The following TMEM165 variants were observed in gnomAD, a reference collection of about 807,000 sequenced individuals.
TMEM165 encodes the protein putative divalent cation/proton antiporter TMEM165.
In TMEM165, 19 loss-of-function variants were observed where a neutral mutation model predicts 30.0. That is an observed-to-expected ratio of 0.63 (90% CI 0.44 to 0.93). The LOEUF (loss-of-function observed/expected upper bound fraction) is 0.93. TMEM165 is among the 40% of genes least tolerant of loss of function. TMEM165 has a pLI of 0.00. For missense variants in TMEM165, 340 were observed against 417.0 expected (o/e 0.82, Z 1.61); for synonymous variants, 168 against 162.9 (o/e 1.03, Z -0.24).
intron 3 of TMEM165, chr4:55,444,653 C>T: frequency 1.9e-6 from 3 of 1,614,054 alleles, no homozygotes; most frequent in Non-Finnish European, 2.5e-6. Flanking sequence ...TGACCATGGA[C>T]CATCTGAAGT....
intron 1 of TMEM165, among the ~76,000 whole-genome samples, chr4:55,400,420 T>A (rs1473282384): frequency 1.5e-5 from 2 of 131,656 alleles, no homozygotes; most frequent in African/African-American, 5.7e-5. Context: ...ATATTTATAT[T>A]AAAATATAAA....
intron 4 of TMEM165, among the ~76,000 whole-genome samples, chr4:55,420,124 TATA>T (rs1243064043): frequency 1.2e-3 from 47 of 38,888 alleles, no homozygotes; most frequent in African/African-American, 5.0e-3. Context: ...TATATATACA[TATA>T]TATTTATTTA....
At chr4:55,418,173 CT>C in intron 4 of TMEM165, 188 bp downstream of exon 4, 1 of 497,816 alleles carries the variant, frequency 2.0e-6, no homozygotes, top group Non-Finnish European at 3.4e-6. Context: ...AGGTGAAATT[CT>C]TGTAACCAAG....
exon 4 of TMEM165, chr4:55,452,797 C>T (rs896346605): frequency 3.4e-6 from 1 of 295,946 alleles, no homozygotes; most frequent in Non-Finnish European, 6.3e-6. Context: ...ATATAAATAA[C>T]CTAGCCAGAG....
At chr4:55,396,516 C>G (rs1164657929) in intron 1 of TMEM165, 120 bp downstream of exon 1, 8 of 869,726 alleles carry the variant, frequency 9.2e-6, no homozygotes, top group Non-Finnish European at 1.3e-5. Context: ...AGCCCGGCCC[C>G]TGCTCCCGGG....
At chr4:55,416,114 C>CA in intron 2 of TMEM165, 1 of 152,358 alleles carries the variant, frequency 6.6e-6, no homozygotes, top group Admixed American at 6.5e-5. Flanking sequence ...CTCGGTCTCC[C>CA]AAAGTGCTGG....
downstream of TMEM165, among the ~76,000 whole-genome samples, chr4:55,427,036 ATTT>A (rs1195135340): frequency 7.1e-4 from 40 of 56,514 alleles, no homozygotes; most frequent in South Asian, 1.2e-3. Flanking sequence ...TCTCACTAGT[ATTT>A]TTTTTTTTTT....
rs991459281 is a variant in TMEM165, at chr4:55,439,971, G to A, written c.409-12268G>A. 4.6e-5 allele frequency among the ~76,000 whole-genome samples: 7 copies of A among 151,792 alleles called. 1 individual carries two copies. Among genetic ancestry groups the A allele is most frequent in the Admixed American group, 3.3e-4 (5 of 15,242 alleles). On this transcript the variant is annotated intron_variant, in intron 3 of 3. Transcript: ENST00000608091. ...GACAATGAACTGTATATTTTAAAAC[G>A]GTTAACATGGTAACTTTTATGTCAT...
At chr4:55,417,408 G>A (rs1451284720) in intron 3 of TMEM165, among the ~76,000 whole-genome samples, 161 bp downstream of exon 3, 1 of 152,146 alleles carries the variant, frequency 6.6e-6, no homozygotes, top group African/African-American at 2.4e-5. Context: ...GATCTGACTT[G>A]GGGTTGGTGT....
intron 1 of TMEM165, among the ~76,000 whole-genome samples, chr4:55,404,604 TTA>T (rs1251787408): frequency 7.0e-6 from 1 of 143,720 alleles, no homozygotes; most frequent in African/African-American, 3.0e-5. Flanking sequence ...TTTATTTATT[TTA>T]TTTTTTTTTT....
At chr4:55,434,288 A>C (rs1169883809) in intron 3 of TMEM165, 3 of 152,666 alleles carry the variant, frequency 2.0e-5, no homozygotes, top group African/African-American at 7.2e-5. Flanking sequence ...GGATAATAAA[A>C]AAGATTTCAA....
downstream of TMEM165, chr4:55,427,843 T>C (rs977863272): frequency 6.6e-6 from 1 of 152,136 alleles, no homozygotes; most frequent in Non-Finnish European, 1.5e-5. Flanking sequence ...ACCTAAGCTA[T>C]AAGGTAAAAA....
chr4:55,442,760 C>T lies in TMEM165; in HGVS notation c.409-9479C>T, dbSNP rs1723478889. ...GAAAGAAGTGGCAGGATATATTACT[C>T]TGGGGGAAATATAACCACAAAGGAA... On this transcript the variant is annotated intron_variant, in intron 3 of 3. Coordinates refer to the TMEM165 transcript ENST00000608091. The T allele has an allele frequency of 1.9e-5, 16 of 845,682 alleles. No individual in the cohort carries two copies. The South Asian group carries it at 2.1e-4, about 11-fold the overall frequency. 52.4% of individuals were successfully genotyped at this position (845,682 alleles called of 1,614,324 possible).
At chr4:55,397,725 T>C (rs1720785476) in intron 1 of TMEM165, among the ~76,000 whole-genome samples, 5 of 151,746 alleles carry the variant, frequency 3.3e-5, no homozygotes, top group Admixed American at 2.0e-4. Context: ...CCTTTTTCCT[T>C]TCCTTTCTCC....
At chr4:55,401,383 A>G (rs565844251) in intron 1 of TMEM165, among the ~76,000 whole-genome samples, 2 of 150,854 alleles carry the variant, frequency 1.3e-5, no homozygotes, top group Admixed American at 6.6e-5. Flanking sequence ...AGAATATGTA[A>G]TATAAGAAAC....
rs1720911094 is a variant in TMEM165 at position 55,400,272 on chromosome 4, A to ATTATATATTATATATAATATTAT, written c.207+3876_207+3877insTTATATATTATATATAATATTAT. Among the ~76,000 whole-genome samples the ATTATATATTATATATAATATTAT allele has an allele frequency of 1.9e-4, 16 of 83,174 alleles. No homozygotes were observed. In the South Asian group the frequency reaches 2.7e-3, roughly 14 times the overall value. 54.6% of individuals were successfully genotyped at this position (83,174 alleles called of 152,430 possible). A position where few individuals can be genotyped will look rare whatever the true frequency, so the allele number is the denominator to read the frequency against. ...TATATTATATTAATATATAATATAT[A>ATTATATATTATATATAATATTAT]ATATAATATTATATATTATATATAA... On this transcript the variant is annotated intron_variant, in intron 1 of 5. Transcript: ENST00000381334.
chr4:55,396,232 C>A lies in TMEM165; in HGVS notation c.43C>A (p.Arg15=), dbSNP rs900598742. ...APGNGRASAP[R]LLLLFLVPLL... ...AGGGAACGGCCGCGCATCGGCGCCC[C>A]GGCTGCTTCTGCTCTTTCTGGTTCC... Residue 15 remains arginine (R), a synonymous_variant, in exon 1 of 6, where the codon CGG becomes AGG. Coordinates refer to ENST00000381334, the MANE Select transcript of TMEM165 (RefSeq NM_018475.5). 6.8e-7 allele frequency: 1 copy of A among 1,475,388 alleles called. No individual in the cohort carries two copies. The allele number at this position is 1,475,388 out of a possible 1,614,324, so 91.4% of individuals were successfully genotyped here. A position where few individuals can be genotyped will look rare whatever the true frequency, so the allele number is the denominator to read the frequency against.
At chr4:55,445,478 A>C (rs899276588) in intron 3 of TMEM165, among the ~76,000 whole-genome samples, 2 of 149,714 alleles carry the variant, frequency 1.3e-5, no homozygotes, top group African/African-American at 4.9e-5. Flanking sequence ...GGGGAAGAGG[A>C]GGTTAGGAGC....
intron 3 of TMEM165, among the ~76,000 whole-genome samples, chr4:55,441,478 C>T (rs1042780110): frequency 1.3e-5 from 2 of 152,110 alleles, no homozygotes; most frequent in African/African-American, 4.8e-5. Flanking sequence ...ATGGAATCAA[C>T]CTAAGTGCCC....
Sources: gnomAD v4.1 joint callset for allele counts (sites outside exome capture counted in the v4.1 genomes callset) on GRCh38, gnomAD v4.1.1 for gene constraint, MANE v1.5 for transcripts, NCBI Gene and HGNC (gene_info 2026-07-23, HGNC 2026-07-21) for gene names.